DLG2: variants seen among roughly 807,000 people sequenced by gnomAD.
DLG2 encodes discs large MAGUK scaffold protein 2, also known as disks large homolog 2.
In DLG2, 45 loss-of-function variants were observed where a neutral mutation model predicts 132.5. The ratio of observed to expected loss-of-function variants is 0.34; its 90% CI spans 0.27 to 0.44. The LOEUF (loss-of-function observed/expected upper bound fraction) is 0.44, where lower values mean the gene tolerates loss of function less well. Among genes scored for constraint, DLG2 ranks in the 20% least tolerant of loss-of-function variants. The pLI is 1.00. For synonymous variants in DLG2, 424 were observed against 419.6 expected, an observed-to-expected ratio of 1.01 and a Z score of -0.13; for missense variants, 1,045 against 1,196.9, an observed-to-expected ratio of 0.87 and a Z score of 1.87.
intron 16 of DLG2, among the ~76,000 whole-genome samples, chr11:83,873,994 A>C (rs1282501147): frequency 6.6e-6 from 1 of 152,188 alleles, no homozygotes; most frequent in African/African-American, 2.4e-5. Context: ...TCTGGAGGGC[A>C]AGAAGAAATC....
At chr11:85,250,076 G>T (rs559406516) in intron 4 of DLG2, among the ~76,000 whole-genome samples, 6 of 152,282 alleles carry the variant, frequency 3.9e-5, no homozygotes, top group African/African-American at 1.2e-4. Flanking sequence ...CAGGGGCCCA[G>T]CCCAAAGGAG....
intron 3 of DLG2, among the ~76,000 whole-genome samples, chr11:85,491,527 C>A (rs560544209): frequency 2.0e-5 from 3 of 151,560 alleles, no homozygotes; most frequent in South Asian, 2.1e-4. Flanking sequence ...CTAACCACAT[C>A]AAAAAAAACT....
intron 6 of DLG2, among the ~76,000 whole-genome samples, chr11:84,756,225 G>T (rs1565882782): frequency 6.6e-6 from 1 of 152,098 alleles, no homozygotes; most frequent in South Asian, 2.1e-4. Context: ...TCTGTGGAAG[G>T]CTTTGTTATA....
intron 6 of DLG2, among the ~76,000 whole-genome samples, chr11:84,706,176 G>A (rs1222459596): frequency 6.6e-6 from 1 of 151,754 alleles, no homozygotes; most frequent in Non-Finnish European, 1.5e-5. Context: ...AAGGCACTAG[G>A]CAAGTTTAGA....
At chr11:83,480,699 CT>C (rs1481172868) in intron 22 of DLG2, 3 of 1,357,076 alleles carry the variant, frequency 2.2e-6, no homozygotes, top group Admixed American at 4.0e-5. Flanking sequence ...TAGAAAAATA[CT>C]ATGACCCATT....
chr11:84,521,152 T>C (rs1020416593), intron 7 of DLG2, among the ~76,000 whole-genome samples: 3 of 152,168 alleles, frequency 2.0e-5, no homozygotes, highest in East Asian at 1.9e-4. Flanking sequence ...CACAGTTTAG[T>C]TGGAGAGATT....
chr11:84,286,523 T>C (rs1399504894), intron 7 of DLG2, among the ~76,000 whole-genome samples: 2 of 152,200 alleles, frequency 1.3e-5, no homozygotes, highest in Non-Finnish European at 2.9e-5. Flanking sequence ...GCTAAAATTA[T>C]CTTTTACTTT....
intron 3 of DLG2, among the ~76,000 whole-genome samples, chr11:85,587,146 T>C (rs145173417): frequency 1.1e-3 from 170 of 152,320 alleles, no homozygotes; most frequent in Non-Finnish European, 2.2e-3. Context: ...GAATGTTCCA[T>C]GTGCTGATGA....
chr11:84,456,108 A>G (rs2099064687), intron 7 of DLG2, among the ~76,000 whole-genome samples: 1 of 151,328 alleles, frequency 6.6e-6, no homozygotes, highest in African/African-American at 2.4e-5. Context: ...TCTTATGGTG[A>G]CTATATTCAG....
At chr11:85,557,931 T>A (rs1310413172) in intron 3 of DLG2, among the ~76,000 whole-genome samples, 1 of 151,768 alleles carries the variant, frequency 6.6e-6, no homozygotes, top group East Asian at 1.9e-4. Flanking sequence ...TCAAAAGTAA[T>A]TGCAGCAAAA....
intron 6 of DLG2, among the ~76,000 whole-genome samples, chr11:84,682,749 C>G (rs1297365231): frequency 6.6e-6 from 1 of 152,136 alleles, no homozygotes; most frequent in Non-Finnish European, 1.5e-5. Flanking sequence ...ACAGAGGACT[C>G]TAGGAAGCCT....
At chr11:85,617,665 C>A (rs2081430767) in intron 2 of DLG2, among the ~76,000 whole-genome samples, 1 of 152,058 alleles carries the variant, frequency 6.6e-6, no homozygotes, top group Non-Finnish European at 1.5e-5. Flanking sequence ...CAGTTTACAC[C>A]ATATATACAC....
chr11:84,777,920 A>C (rs1258149836), intron 6 of DLG2, among the ~76,000 whole-genome samples: 5 of 151,954 alleles, frequency 3.3e-5, no homozygotes, highest in Admixed American at 6.6e-5. Flanking sequence ...TCACTCTGTC[A>C]ATTATTTCCT....
At chr11:83,596,279 GCTT>G (rs2057564903) in intron 19 of DLG2, among the ~76,000 whole-genome samples, 1 of 152,034 alleles carries the variant, frequency 6.6e-6, no homozygotes, top group Non-Finnish European at 1.5e-5. Context: ...CATAACACTG[GCTT>G]CTTCTCCTGT....
intron 17 of DLG2, among the ~76,000 whole-genome samples, chr11:83,798,684 G>T (rs562285786): frequency 1.3e-5 from 2 of 152,170 alleles, no homozygotes; most frequent in Non-Finnish European, 2.9e-5. Context: ...TGGGTGCAAG[G>T]TGGCAGGGGG....
chr11:85,466,651 C>T (rs536422238), intron 3 of DLG2, among the ~76,000 whole-genome samples: 16 of 152,144 alleles, frequency 1.1e-4, no homozygotes, highest in African/African-American at 2.9e-4. Context: ...AGGGCTCTGT[C>T]CTGTTCCATT....
At chr11:84,679,076 T>C (rs994226832) in intron 6 of DLG2, among the ~76,000 whole-genome samples, 1 of 152,000 alleles carries the variant, frequency 6.6e-6, no homozygotes, top group Non-Finnish European at 1.5e-5. Context: ...GTATTCACCT[T>C]AAGCATAGCT....
chr11:83,770,203 T>G (rs1461324810), intron 18 of DLG2, among the ~76,000 whole-genome samples: 3 of 152,034 alleles, frequency 2.0e-5, no homozygotes, highest in Non-Finnish European at 4.4e-5. Flanking sequence ...CTGCTCCTTT[T>G]GTACCTTCCT....
intron 11 of DLG2, among the ~76,000 whole-genome samples, chr11:84,056,710 A>G (rs1287070012): frequency 1.3e-5 from 2 of 152,192 alleles, no homozygotes; most frequent in Non-Finnish European, 1.5e-5. Flanking sequence ...TAAGTATTCA[A>G]CTTACTCTGA....
Sources: allele counts gnomAD v4.1 joint callset (sites outside exome capture counted in the v4.1 genomes callset), GRCh38; gene constraint gnomAD v4.1.1; transcripts MANE v1.5; gene names NCBI Gene and HGNC (gene_info 2026-07-23, HGNC 2026-07-21).